ZNF273: variants seen among roughly 807,000 people sequenced by gnomAD.
ZNF273 encodes the protein zinc finger protein 273.
Under a neutral mutation model 14.9 loss-of-function variants are expected in ZNF273, and 11 were observed. The observed-to-expected ratio is 0.74, with a 90% CI of 0.46 to 1.22. ZNF273 has a LOEUF of 1.22. ZNF273 is among the 50% of genes most tolerant of loss of function. The probability of loss-of-function intolerance (pLI) is 0.00; values close to 1 mark genes in which losing one functional copy is unlikely to be tolerated. For missense variants in ZNF273, 577 were observed against 660.6 expected (o/e 0.87, Z 1.39); for synonymous variants, 199 against 223.9 (o/e 0.89, Z 0.99).
upstream of ZNF273, among the ~76,000 whole-genome samples, chr7:64,902,401 T>C (rs1176208053): frequency 6.6e-6 from 1 of 152,206 alleles, no homozygotes; most frequent in Non-Finnish European, 1.5e-5. Flanking sequence ...ATTGTGAACC[T>C]CAAATATCTG....
intron 1 of ZNF273, among the ~76,000 whole-genome samples, chr7:64,911,511 C>T (rs1329422841): frequency 6.6e-6 from 1 of 152,116 alleles, no homozygotes; most frequent in Non-Finnish European, 1.5e-5. Flanking sequence ...GATCCACCCG[C>T]CTTAGCCTCC....
At chr7:64,888,308 C>G in intron 1 of ZNF273, 1 of 985,346 alleles carries the variant, frequency 1.0e-6, no homozygotes, top group Non-Finnish European at 1.2e-6. Flanking sequence ...GCTCCGTGGC[C>G]TCGCACAGGC....
chr7:64,910,261 A>T (rs1793394444), intron 1 of ZNF273, among the ~76,000 whole-genome samples: 1 of 152,098 alleles, frequency 6.6e-6, no homozygotes, highest in Admixed American at 6.5e-5. Flanking sequence ...TCCTATATCT[A>T]GAATGGTCTT....
chr7:64,887,127 G>C lies in ZNF273; in HGVS notation n.274-1446G>C, dbSNP rs563114616. ...TGGTCGGTACTTGGTTTGGACTGAG[G>C]TCTCATGTGGATCAAATCCCTGTGT... On this transcript the variant is annotated intron_variant and non_coding_transcript_variant, in intron 1 of 1. Transcript: ENST00000471926. Among the ~76,000 whole-genome samples the C allele has an allele frequency of 1.6e-4, 25 of 152,330 alleles. No homozygotes were observed. In the South Asian group the frequency reaches 5.0e-3, roughly 30 times the overall value.
intron 3 of ZNF273, among the ~76,000 whole-genome samples, chr7:64,921,342 G>T (rs139575325): frequency 6.6e-6 from 1 of 152,026 alleles, no homozygotes; most frequent in Admixed American, 6.6e-5. Context: ...GATTACAGGC[G>T]TGAGCCACCA....
chr7:64,915,142 C>T (rs1266598519), intron 1 of ZNF273, among the ~76,000 whole-genome samples: 1 of 152,168 alleles, frequency 6.6e-6, no homozygotes, highest in Non-Finnish European at 1.5e-5. Flanking sequence ...ACTCTACTTT[C>T]TCTACATCGT....
intron 1 of ZNF273, among the ~76,000 whole-genome samples, chr7:64,911,448 A>G (rs1793505076): frequency 6.6e-6 from 1 of 151,886 alleles, no homozygotes; most frequent in Non-Finnish European, 1.5e-5. Context: ...TTTTTAGTGG[A>G]GACAGGGTTT....
chr7:64,889,241 C>T (rs868115138), downstream of ZNF273: 7 of 985,546 alleles, frequency 7.1e-6, no homozygotes, highest in Middle Eastern at 5.2e-4. This position sits in a 1 kb window ranked among gnomAD's most constrained non-coding sequence, Gnocchi z 4.2. Context: ...GTTCCTTGGC[C>T]CCGCTCCCCG....
chr7:64,926,058 A>G (rs559257604), intron 3 of ZNF273, among the ~76,000 whole-genome samples: 13 of 135,170 alleles, frequency 9.6e-5, no homozygotes, highest in Non-Finnish European at 1.9e-4. Flanking sequence ...TGGAGTGCCA[A>G]TATACTTTTT....
chr7:64,917,929 A>C lies in ZNF273; in HGVS notation c.229+222A>C, dbSNP rs533455526. 1.6e-4 allele frequency among the ~76,000 whole-genome samples: 25 copies of C among 152,286 alleles called. No homozygotes were observed. In the South Asian group the frequency reaches 5.2e-3, roughly 32 times the overall value. ...GTATCCTTCACTCTAGATTAATGGT[A>C]ATTCCAAAAATTTAGTGGCATAAAA... On this transcript the variant is annotated intron_variant, in intron 2 of 3. Transcript: ENST00000476120.
upstream of ZNF273, among the ~76,000 whole-genome samples, chr7:64,900,976 C>G (rs988423561): frequency 4.0e-5 from 6 of 151,796 alleles, no homozygotes; most frequent in African/African-American, 1.2e-4. Flanking sequence ...TAGGCATGAG[C>G]CAAGGCACCA....
At chr7:64,907,650 G>A (rs1187656562) in intron 1 of ZNF273, among the ~76,000 whole-genome samples, 1 of 152,080 alleles carries the variant, frequency 6.6e-6, no homozygotes, top group Non-Finnish European at 1.5e-5. Flanking sequence ...GAATTCAAAT[G>A]TTAGACAATT....
intron 1 of ZNF273, among the ~76,000 whole-genome samples, chr7:64,916,781 A>AACATGTAACCTATGTTACATGTTCTGC (rs559569958): frequency 9.2e-5 from 14 of 152,144 alleles, no homozygotes; most frequent in African/African-American, 2.2e-4. Flanking sequence ...TATGTAACAG[A>AACATGTAACCTATGTTACATGTTCTGC]ACATGTAACC....
intron 1 of ZNF273, among the ~76,000 whole-genome samples, chr7:64,878,208 G>T (rs1419268672): frequency 6.6e-6 from 1 of 151,366 alleles, no homozygotes; most frequent in Non-Finnish European, 1.5e-5. Context: ...TCCTGAAACT[G>T]TGGTGAAGTG....
At chr7:64,914,154 T>C (rs1284163648) in intron 1 of ZNF273, among the ~76,000 whole-genome samples, 1 of 148,892 alleles carries the variant, frequency 6.7e-6, no homozygotes, top group Non-Finnish European at 1.5e-5. Flanking sequence ...ATTACAGGCA[T>C]GCACCACTAC....
At chr7:64,916,536 C>G (rs1794006983) in intron 1 of ZNF273, among the ~76,000 whole-genome samples, 1 of 86,952 alleles carries the variant, frequency 1.2e-5, no homozygotes, top group Non-Finnish European at 2.3e-5. Flanking sequence ...GGGAGCAAAA[C>G]TGTCTCAAAA....
At chr7:64,923,529 T>C in intron 3 of ZNF273, 1 of 360,128 alleles carries the variant, frequency 2.8e-6, no homozygotes, top group Non-Finnish European at 5.4e-6. Flanking sequence ...TTTAGTAGAG[T>C]GAGGGTTTCA....
At chr7:64,915,111 C>A (rs1239176795) in intron 1 of ZNF273, among the ~76,000 whole-genome samples, 1 of 152,130 alleles carries the variant, frequency 6.6e-6, no homozygotes, top group Non-Finnish European at 1.5e-5. Flanking sequence ...AAAAATACTT[C>A]TTTCCTATAT....
chr7:64,911,002 G>A (rs1793472656), intron 1 of ZNF273, among the ~76,000 whole-genome samples: 1 of 151,940 alleles, frequency 6.6e-6, no homozygotes, highest in Non-Finnish European at 1.5e-5. Context: ...CTGACCCCAG[G>A]TGATCCACCC....
Sources: allele counts gnomAD v4.1 joint callset (sites outside exome capture counted in the v4.1 genomes callset), GRCh38; gene constraint gnomAD v4.1.1; non-coding constraint Gnocchi (gnomAD v3.1); transcripts MANE v1.5; gene names NCBI Gene and HGNC (gene_info 2026-07-23, HGNC 2026-07-21).